Variants in PKP3 observed in about 807,000 individuals in gnomAD.
The protein encoded by PKP3 is plakophilin 3, also known as plakophilin-3.
Under a neutral mutation model 76.5 loss-of-function variants are expected in PKP3, and 66 were observed. The observed-to-expected ratio is 0.86, with a 90% confidence interval of 0.71 to 1.06. The LOEUF is 1.06. Among genes scored for constraint, PKP3 ranks in the 50% least tolerant of loss-of-function variants. The probability of loss-of-function intolerance (pLI) is 0.00; values close to 1 mark genes in which losing one functional copy is unlikely to be tolerated. For missense variants in PKP3, 1,338 were observed against 1,141.0 expected, an observed-to-expected ratio of 1.17 and a Z score of -2.49; for synonymous variants, 638 against 516.5, an observed-to-expected ratio of 1.24 and a Z score of -3.19.
At position 404,101 on chromosome 11, in the gene PKP3, C is replaced by G. The variant is rs370187510; in HGVS notation, c.2236C>G (p.Arg746Gly). ...ARDLLYFDGL[R>G]KLIFIKKKRD... Reference sequence around the variant, plus strand: ...AGACCTGCTGTATTTTGACGGACTCCGAAAGCTCATCTTCATCAAGAAGAA... The same window carrying G: ...AGACCTGCTGTATTTTGACGGACTCGGAAAGCTCATCTTCATCAAGAAGAA... Residue 746 changes from arginine (R) to glycine (G), a missense_variant, in exon 11 of 13, where the codon CGA (arginine) becomes GGA (glycine). Transcript: ENST00000331563. The surrounding 1 kb of genome is among the most constrained non-coding windows in gnomAD (Gnocchi z 4.2). 3 of 1,611,456 alleles carry G rather than the reference C, an allele frequency of 1.9e-6. No homozygotes were observed. Among genetic ancestry groups the G allele is most frequent in the Non-Finnish European group, 2.5e-6 (3 of 1,179,242 alleles).
upstream of PKP3, among the ~76,000 whole-genome samples, chr11:393,222 C>G (rs560305129): frequency 1.4e-3 from 215 of 151,786 alleles, no homozygotes; most frequent in Middle Eastern, 6.8e-3. Context: ...AGGGCCCCCC[C>G]ACCAGGGGCC....
intron 6 of PKP3, 70 bp from the exon 7 acceptor site, chr11:400,264 C>T: frequency 7.0e-7 from 1 of 1,435,404 alleles, no homozygotes; most frequent in South Asian, 1.3e-5. Flanking sequence ...CGTGCGAGGG[C>T]CCACGATGGG....
intron 8 of PKP3, 32 bp from the exon 9 acceptor site, chr11:403,046 C>A (rs76360685): frequency 2.1e-6 from 1 of 484,298 alleles, no homozygotes; most frequent in Non-Finnish European, 2.6e-6. Context: ...CCGCTCACCC[C>A]GACCCCGCCG....
In PKP3 at chr11:400,609, G is replaced by A. The variant is rs1847137977; in HGVS notation, c.1641G>A (p.Leu547=). The change falls in exon 8 of 13, where the codon CTG becomes CTA. Residue 547 remains leucine, a synonymous_variant. Transcript: ENST00000331563. ...ACGACGAGATGCCGCCGTCCGCGCT[G>A]CAGCGGCTGGAGGGTCGCGGCCGCA... ...RLYDEMPPSA[L]QRLEGRGRRD... is the part of the protein sequence containing the mutation. The A allele has an allele frequency of 3.5e-6, 5 of 1,447,008 alleles. No individual in the cohort carries two copies. The highest frequency in any genetic ancestry group is 4.5e-6 in the Non-Finnish European group (5 of 1,109,018). 89.6% of individuals were successfully genotyped at this position (1,447,008 alleles called of 1,614,324 possible).
Position 396,863 on chromosome 11 carries a change from C to T in PKP3, c.362C>T (p.Ser121Phe), listed in dbSNP as rs1422696102. The T allele has an allele frequency of 6.2e-7, 1 of 1,600,030 alleles. No individual in the cohort carries two copies. The highest frequency in any genetic ancestry group is 8.5e-7 in the Non-Finnish European group (1 of 1,176,590). The change falls in exon 3 of 13, where the codon TCC becomes TTC. Residue 121 changes from serine to phenylalanine, a missense_variant. By Grantham distance (155) the Ser-to-Phe change is radical. Coordinates refer to ENST00000331563, the MANE Select transcript of PKP3 (RefSeq NM_007183.4). ...GCCTACAGCCCAGCCTCCTGGTCCT[C>T]CCGCTCCGCCGTGGATCTGAGCTGC... ...KPAYSPASWS[S>F]RSAVDLSCSR...
In PKP3 at chr11:394,615, G is replaced by A. The variant is rs985171085; in HGVS notation, c.232+91G>A. 15 of 1,096,102 alleles carry A rather than the reference G, an allele frequency of 1.4e-5. No individual in the cohort carries two copies. In the East Asian group the frequency reaches 4.7e-4, roughly 34 times the overall value. The allele number at this position is 1,096,102 out of a possible 1,614,324, so 67.9% of individuals were successfully genotyped here. A position where few individuals can be genotyped will look rare whatever the true frequency, so the allele number is the denominator to read the frequency against. ...AGTGTGAGGGCAGAGGCCGCAGTGA[G>A]GCCGGCTCCTGACTCACCAGGCCTC... On this transcript the variant is annotated intron_variant, in intron 1 of 12. Transcript: ENST00000331563.
chr11:396,641 C>A lies in PKP3; in HGVS notation c.266C>A (p.Ala89Asp). Residue 89 changes from alanine to aspartate, a missense_variant, in exon 2 of 13, where the codon GCT (alanine) becomes GAT (aspartate). Ala to Asp is a moderately radical substitution (Grantham distance 126). Transcript: ENST00000331563. The part of the protein sequence containing the change: ...TSRGQYHTLQ[A>D]GFSSRSQGLS... ...AGGGGGCAGTACCACACCCTGCAGG[C>A]TGGCTTCAGCTCTCGCTCTCAGGGC... 6.2e-7 allele frequency: 1 copy of A among 1,611,038 alleles called. No individual in the cohort carries two copies. The highest frequency in any genetic ancestry group is 8.5e-7 in the Non-Finnish European group (1 of 1,179,382).
rs1193583841 is a variant in PKP3 at position 396,850 on chromosome 11, G to A, written c.349G>A (p.Ala117Thr). 1 of 1,600,036 alleles carries A rather than the reference G, an allele frequency of 6.2e-7. No homozygotes were observed. The highest frequency in any genetic ancestry group is 1.7e-4 in the Middle Eastern group (1 of 6,038). ...RPIAKPAYSP[A>T]SWSSRSAVDL... ...CATCGCCAAGCCGGCCTACAGCCCA[G>A]CCTCCTGGTCCTCCCGCTCCGCCGT... Residue 117 changes from alanine (A) to threonine (T), a missense_variant, in exon 3 of 13, where the codon GCC (alanine) becomes ACC (threonine). Transcript: ENST00000331563.
upstream of PKP3, among the ~76,000 whole-genome samples, chr11:393,873 C>T (rs764272174): frequency 2.0e-5 from 3 of 152,200 alleles, no homozygotes; most frequent in East Asian, 1.9e-4. Flanking sequence ...GGACATAGGC[C>T]CCCCGCAGGC....
chr11:403,388 C>T lies in PKP3; in HGVS notation c.1923+125C>T, dbSNP rs565193203. 1.8e-3 allele frequency: 1,633 copies of T among 916,028 alleles called. 1 individual carries two copies. Among genetic ancestry groups the T allele is most frequent in the Non-Finnish European group, 2.3e-3 (1,461 of 623,294 alleles). 56.7% of individuals were successfully genotyped at this position (916,028 alleles called of 1,614,324 possible). Reference sequence around the variant, plus strand: ...GGGTCCGCGGAGCCTCGGAGGTCAGCGTCCCGGTGGCGCAGGCCTTGGGCC... The same window carrying T: ...GGGTCCGCGGAGCCTCGGAGGTCAGTGTCCCGGTGGCGCAGGCCTTGGGCC... On this transcript the variant is annotated intron_variant, in intron 9 of 12. Coordinates refer to ENST00000331563, the MANE Select transcript of PKP3 (RefSeq NM_007183.4).
In PKP3 at chr11:404,240, G is replaced by A. The variant is rs374362753; in HGVS notation, c.2275G>A (p.Asp759Asn). ...CTGACTGCCCTCCACCCTCAGCCCC[G>A]ACAGTGAGAAGTCCTCCCGGGCAGC... ...IFIKKKRDSP[D>N]SEKSSRAASS... The change falls in exon 12 of 13, where the codon GAC (aspartate) becomes AAC (asparagine). Residue 759 changes from aspartate (D) to asparagine (N), a missense_variant. Coordinates refer to ENST00000331563, the MANE Select transcript of PKP3 (RefSeq NM_007183.4). This position sits in a 1 kb window ranked among gnomAD's most constrained non-coding sequence, Gnocchi z 4.2. The A allele has an allele frequency of 3.7e-5, 59 of 1,612,504 alleles. No individual in the cohort carries two copies. Among genetic ancestry groups the A allele is most frequent in the Admixed American group, 1.7e-4 (10 of 60,018 alleles).
At chr11:400,511 C>G (rs1285991453) in intron 7 of PKP3, 24 bp from the exon 8 acceptor site, 13 of 1,493,784 alleles carry the variant, frequency 8.7e-6, no homozygotes, top group Non-Finnish European at 1.1e-5. Context: ...GACCCGCGCC[C>G]CTGCCCCGCG....
chr11:394,388 C>G lies in PKP3; in HGVS notation c.96C>G (p.Gly32=). 1 of 1,489,956 alleles carries G rather than the reference C, an allele frequency of 6.7e-7. No homozygotes were observed. Among genetic ancestry groups the G allele is most frequent in the Non-Finnish European group, 8.9e-7 (1 of 1,127,818 alleles). The allele number at this position is 1,489,956 out of a possible 1,614,324, so 92.3% of individuals were successfully genotyped here. ...CTGACCTGCAGCTGGACCGCCGGGGCGCCGAGGGGCCGGAGGCCGAGCGGC... is the reference window on the plus strand; with the variant it reads ...CTGACCTGCAGCTGGACCGCCGGGGGGCCGAGGGGCCGGAGGCCGAGCGGC... ...LPSDLQLDRR[G]AEGPEAERLR... Residue 32 remains glycine, a synonymous_variant, in exon 1 of 13, where the codon GGC becomes GGG. Transcript: ENST00000331563.
At position 400,400 on chromosome 11, in the gene PKP3, C is replaced by T. The variant is rs1847132080; in HGVS notation, c.1515C>T (p.Ala505=). The T allele has an allele frequency of 2.6e-6, 4 of 1,548,916 alleles. 1 individual carries two copies. In the South Asian group the frequency reaches 4.8e-5, roughly 18 times the overall value. The change falls in exon 7 of 13, where the codon GCC becomes GCT. Residue 505 remains alanine, a synonymous_variant. Coordinates refer to ENST00000331563, the MANE Select transcript of PKP3 (RefSeq NM_007183.4). The part of the protein sequence containing the change: ...KMRECHGLVD[A]LVTSINHALD... ...GGGAGTGCCACGGGCTGGTGGACGC[C>T]CTGGTCACCTCTATCAACCACGCCC...
chr11:395,625 C>T (rs984414291), intron 1 of PKP3, among the ~76,000 whole-genome samples: 6 of 152,194 alleles, frequency 3.9e-5, no homozygotes, highest in African/African-American at 1.4e-4. Context: ...GCCTCACGAG[C>T]GTCAGAGGGT....
At chr11:392,967 G>A (rs1231789917), upstream of PKP3, among the ~76,000 whole-genome samples, 2 of 152,006 alleles carry the variant, frequency 1.3e-5, no homozygotes, top group East Asian at 2.0e-4. Context: ...AGGGGGCAAG[G>A]GTCTGCCCTG....
At position 397,352 on chromosome 11, in the gene PKP3, T is replaced by C; in HGVS notation, c.851T>C (p.Leu284Pro). Residue 284 changes from leucine (L) to proline (P), a missense_variant, in exon 3 of 13, where the codon CTC (leucine) becomes CCC (proline). Physicochemically the swap from Leu to Pro is moderately conservative, Grantham distance 98. Coordinates refer to ENST00000331563, the MANE Select transcript of PKP3 (RefSeq NM_007183.4). Reference sequence around the variant, plus strand: ...GCTCGAGCGCCATCTGTGCGCAGCCTCAGCCTCAGCCTGGCTGACTCGGGC... The same window carrying C: ...GCTCGAGCGCCATCTGTGCGCAGCCCCAGCCTCAGCCTGGCTGACTCGGGC... ...PVARAPSVRS[L>P]SLSLADSGHL... The C allele has an allele frequency of 6.3e-7, 1 of 1,593,540 alleles. No homozygotes were observed.
intron 1 of PKP3, 111 bp downstream of exon 1, chr11:394,635 G>A (rs1457839562): frequency 2.2e-5 from 20 of 913,048 alleles, no homozygotes; most frequent in Non-Finnish European, 3.0e-5. Context: ...TGACTCACCA[G>A]GCCTCACACT....
rs140509313 is a variant in PKP3, at chr11:397,055, G to A, written c.554G>A (p.Arg185Gln). ...DYDTLSLRSLRLGPGGLDDRY... is the reference protein window; with the variant it reads ...DYDTLSLRSLQLGPGGLDDRY... ...GACACACTCTCCCTGCGCTCGCTGC[G>A]GCTGGGGCCCGGGGGCCTGGACGAC... Residue 185 changes from arginine to glutamine, a missense_variant, in exon 3 of 13, where the codon CGG becomes CAG. Coordinates refer to ENST00000331563, the MANE Select transcript of PKP3 (RefSeq NM_007183.4). 63 of 1,599,102 alleles carry A rather than the reference G, an allele frequency of 3.9e-5. No homozygotes were observed. The highest frequency in any genetic ancestry group is 4.7e-5 in the Non-Finnish European group (56 of 1,179,572).
Sources: allele counts gnomAD v4.1 joint callset (sites outside exome capture counted in the v4.1 genomes callset), GRCh38; gene constraint gnomAD v4.1.1; non-coding constraint Gnocchi (gnomAD v3.1); transcripts MANE v1.5; gene names NCBI Gene and HGNC (gene_info 2026-07-23, HGNC 2026-07-21).